SPAG16: variants seen among roughly 807,000 people sequenced by gnomAD.
SPAG16 encodes the protein sperm-associated antigen 16 protein.
SPAG16 carries 86 observed loss-of-function variants against 80.4 expected under a neutral mutation model. That is an observed-to-expected ratio of 1.07 (90% CI 0.90 to 1.28). The LOEUF (loss-of-function observed/expected upper bound fraction) is 1.28, where lower values mean the gene tolerates loss of function less well. Ranked by LOEUF, SPAG16 falls within the 50% of genes most tolerant of loss-of-function variation. The probability of loss-of-function intolerance (pLI) is 0.00; values close to 1 mark genes in which losing one functional copy is unlikely to be tolerated. For missense variants in SPAG16, 870 were observed against 765.3 expected (o/e 1.14, Z -1.61); for synonymous variants, 294 against 265.9 (o/e 1.11, Z -1.03).
intron 9 of SPAG16, among the ~76,000 whole-genome samples, chr2:213,400,594 T>A (rs984554514): frequency 6.6e-6 from 1 of 152,230 alleles, no homozygotes; most frequent in African/African-American, 2.4e-5. Context: ...AAATGTTTTC[T>A]TTATTCCTGT....
intron 15 of SPAG16, among the ~76,000 whole-genome samples, chr2:214,378,206 TCTTTTAAGCTACTGAATTTGTAG>T (rs1388326892): frequency 3.3e-5 from 5 of 152,186 alleles, no homozygotes; most frequent in African/African-American, 1.2e-4. Flanking sequence ...TAAATTTGTG[TCTTTTAAGCTACTGAATTTGTAG>T]CAATGTGTGA....
intron 12 of SPAG16, among the ~76,000 whole-genome samples, chr2:213,972,318 A>T (rs1234283738): frequency 2.0e-5 from 3 of 151,626 alleles, no homozygotes; most frequent in Non-Finnish European, 4.4e-5. Flanking sequence ...ATAAAAAGAG[A>T]TTTATTGTGA....
intron 9 of SPAG16, among the ~76,000 whole-genome samples, chr2:213,409,959 C>G (rs968765121): frequency 5.3e-5 from 8 of 152,104 alleles, no homozygotes; most frequent in African/African-American, 1.9e-4. Context: ...CCTAGAATTT[C>G]CGGTAAACGG....
chr2:213,523,548 A>C (rs2125857242), intron 10 of SPAG16, among the ~76,000 whole-genome samples: 1 of 152,322 alleles, frequency 6.6e-6, no homozygotes, highest in African/African-American at 2.4e-5. Context: ...AGATAGAAAA[A>C]TGTAGGAAAG....
intron 10 of SPAG16, among the ~76,000 whole-genome samples, chr2:213,846,043 T>A (rs1220894578): frequency 6.6e-6 from 1 of 152,214 alleles, no homozygotes; most frequent in Non-Finnish European, 1.5e-5. Flanking sequence ...CTAGTGCAAG[T>A]CACTTATCAG....
At chr2:213,526,857 TG>T (rs969326612) in intron 10 of SPAG16, among the ~76,000 whole-genome samples, 5 of 152,226 alleles carry the variant, frequency 3.3e-5, no homozygotes, top group African/African-American at 1.2e-4. Context: ...TGTGTGGGGT[TG>T]TCAAGAAGAC....
chr2:214,062,667 C>CTT (rs36069141), intron 13 of SPAG16, among the ~76,000 whole-genome samples: 29,581 of 122,648 alleles, frequency 0.24, 4,195 homozygotes, highest in Non-Finnish European at 0.28. Flanking sequence ...ATAGCCTCCT[C>CTT]TTTTTTTTTT....
intron 10 of SPAG16, among the ~76,000 whole-genome samples, chr2:213,689,511 A>G (rs185862909): frequency 3.5e-5 from 5 of 144,102 alleles, no homozygotes; most frequent in Admixed American, 3.4e-4. Flanking sequence ...AACTTAGAAC[A>G]GAATTTAGTG....
intron 15 of SPAG16, among the ~76,000 whole-genome samples, chr2:214,155,281 A>G (rs1352671541): frequency 6.6e-6 from 1 of 152,206 alleles, no homozygotes; most frequent in Non-Finnish European, 1.5e-5. Context: ...CCTGGAAATA[A>G]TTTGTGTTCG....
At chr2:213,347,808 G>C (rs1164546163) in intron 6 of SPAG16, among the ~76,000 whole-genome samples, 1 of 152,064 alleles carries the variant, frequency 6.6e-6, no homozygotes, top group African/African-American at 2.4e-5. Flanking sequence ...ACTTCCAACT[G>C]TGTGGTCAGT....
At chr2:214,204,607 G>T (rs1004833881) in intron 15 of SPAG16, among the ~76,000 whole-genome samples, 1 of 152,186 alleles carries the variant, frequency 6.6e-6, no homozygotes, top group African/African-American at 2.4e-5. Context: ...CTCTCAGAAA[G>T]CCCCATCCCT....
Position 214,037,864 on chromosome 2 carries a change from G to GGTATGTGT in SPAG16, c.1527+23789_1527+23790insATGTGTGT, listed in dbSNP as rs374110237. Among the ~76,000 whole-genome samples, 878 of 133,682 alleles carry GGTATGTGT rather than the reference G, an allele frequency of 6.6e-3. 14 individuals are homozygous for GGTATGTGT. Among genetic ancestry groups the GGTATGTGT allele is most frequent in the African/African-American group, 0.012 (408 of 33,896 alleles). The allele number at this position is 133,682 out of a possible 152,430, so 87.7% of individuals were successfully genotyped here. A position where few individuals can be genotyped will look rare whatever the true frequency, so the allele number is the denominator to read the frequency against. Reference sequence around the variant, plus strand: ...GCTCTGTTATTATTCCCAGAAGCCTGGTGTGTGTGTGTGTGTGTGTGTGTG... The same window carrying GGTATGTGT: ...GCTCTGTTATTATTCCCAGAAGCCTGGTATGTGTGTGTGTGTGTGTGTGTGTGTGTGTG... On this transcript the variant is annotated intron_variant, in intron 13 of 15. Transcript: ENST00000331683.
intron 8 of SPAG16, 55 bp from the exon 9 acceptor site, chr2:213,374,955 C>A: frequency 7.6e-7 from 1 of 1,311,244 alleles, no homozygotes; most frequent in South Asian, 1.5e-5. Flanking sequence ...TGGTTGCAAT[C>A]ATTTTATACC....
chr2:214,402,852 T>C (rs1701789973), intron 15 of SPAG16, among the ~76,000 whole-genome samples: 1 of 151,968 alleles, frequency 6.6e-6, no homozygotes. Context: ...CGACCATGAA[T>C]ATAAAATTTT....
intron 14 of SPAG16, among the ~76,000 whole-genome samples, chr2:214,115,359 A>G (rs1457706514): frequency 6.6e-6 from 1 of 152,208 alleles, no homozygotes; most frequent in Non-Finnish European, 1.5e-5. Context: ...CAAAAATTTT[A>G]GTTATTTGGT....
At chr2:214,404,254 A>C (rs1206127156) in intron 15 of SPAG16, among the ~76,000 whole-genome samples, 1 of 152,160 alleles carries the variant, frequency 6.6e-6, no homozygotes, top group Non-Finnish European at 1.5e-5. Context: ...AAAAAAGAGC[A>C]CTGATTTAGG....
intron 13 of SPAG16, among the ~76,000 whole-genome samples, chr2:214,106,689 T>C (rs1253645782): frequency 6.6e-6 from 1 of 152,134 alleles, no homozygotes; most frequent in East Asian, 1.9e-4. Flanking sequence ...GTAGCTCATT[T>C]TGCAATCTCT....
In SPAG16 at chr2:213,323,163, C is replaced by T. The variant is rs77158080; in HGVS notation, c.536+5807C>T. Among the ~76,000 whole-genome samples, 450 of 152,162 alleles carry T rather than the reference C, an allele frequency of 3.0e-3. 4 individuals are homozygous for T. The highest frequency in any genetic ancestry group is 9.0e-3 in the African/African-American group (375 of 41,542). ...ATTAGAAAAACACAAACAATATGTC[C>T]GGCGCGGTGGCTTACGCCTGTAATC... On this transcript the variant is annotated intron_variant, in intron 5 of 15. Coordinates refer to ENST00000331683, the MANE Select transcript of SPAG16 (RefSeq NM_024532.5).
At chr2:214,408,460 T>C (rs542558069) in intron 15 of SPAG16, among the ~76,000 whole-genome samples, 49 of 152,310 alleles carry the variant, frequency 3.2e-4, no homozygotes, top group East Asian at 9.7e-4. Flanking sequence ...CTCTAATCCA[T>C]CCTAAGGATC....
Sources: allele counts gnomAD v4.1 joint callset (sites outside exome capture counted in the v4.1 genomes callset), GRCh38; gene constraint gnomAD v4.1.1; transcripts MANE v1.5; gene names NCBI Gene and HGNC (gene_info 2026-07-23, HGNC 2026-07-21).